ATP2C1: variants seen among roughly 807,000 people sequenced by gnomAD.
The protein encoded by ATP2C1 is ATPase secretory pathway Ca2+ transporting 1.
In ATP2C1, 31 loss-of-function variants were observed where a neutral mutation model predicts 120.5. That is an observed-to-expected ratio of 0.26 (90% CI 0.19 to 0.35). The LOEUF (loss-of-function observed/expected upper bound fraction) is 0.35. Ranked by LOEUF, ATP2C1 falls within the 10% of genes least tolerant of loss-of-function variation. The pLI, the probability that ATP2C1 is intolerant of heterozygous loss-of-function variation, is 1.00. For synonymous variants in ATP2C1, 351 were observed against 358.7 expected, an observed-to-expected ratio of 0.98 and a Z score of 0.24; for missense variants, 731 against 1,107.5, an observed-to-expected ratio of 0.66 and a Z score of 4.83.
At chr3:130,894,021 G>A, upstream of ATP2C1, 1 of 986,504 alleles carries the variant, frequency 1.0e-6, no homozygotes, top group Non-Finnish European at 1.2e-6. The surrounding 1 kb of genome is among the most constrained non-coding windows in gnomAD (Gnocchi z 4.5). Context: ...GCCCAGGAGT[G>A]CGGGGCGCGA....
intron 2 of ATP2C1, among the ~76,000 whole-genome samples, chr3:130,896,118 C>CTT (rs2069606672): frequency 6.6e-6 from 1 of 152,180 alleles, no homozygotes; most frequent in Non-Finnish European, 1.5e-5. Context: ...TTGGTAGAAA[C>CTT]ATCTTAAATA....
intron 1 of ATP2C1, among the ~76,000 whole-genome samples, chr3:130,882,062 C>T (rs1227908280): frequency 1.3e-5 from 2 of 152,088 alleles, no homozygotes; most frequent in Non-Finnish European, 2.9e-5. Context: ...TGCCTAATTG[C>T]TCTAGTTAGG....
At chr3:130,932,401 T>C (rs1038382788) in intron 4 of ATP2C1, among the ~76,000 whole-genome samples, 5 of 152,136 alleles carry the variant, frequency 3.3e-5, no homozygotes, top group Non-Finnish European at 7.4e-5. Flanking sequence ...TTTGCTGATA[T>C]CAAACCTACA....
At chr3:130,884,881 C>T (rs1025399492) in intron 1 of ATP2C1, among the ~76,000 whole-genome samples, 15 of 150,052 alleles carry the variant, frequency 1.0e-4, no homozygotes, top group Non-Finnish European at 1.5e-4. Context: ...TATTTTCAGC[C>T]TATGTGTATC....
intron 2 of ATP2C1, among the ~76,000 whole-genome samples, chr3:130,910,247 TTGTC>T (rs1401317403): frequency 6.6e-6 from 1 of 151,492 alleles, no homozygotes; most frequent in Non-Finnish European, 1.5e-5. Context: ...GGCTCTCTGT[TTGTC>T]TGTTCTTGGT....
intron 5 of ATP2C1, among the ~76,000 whole-genome samples, chr3:130,936,222 A>G (rs888862060): frequency 6.6e-6 from 1 of 152,086 alleles, no homozygotes; most frequent in African/African-American, 2.4e-5. Context: ...TTAAAAAAAA[A>G]ATTGTTACGA....
intron 17 of ATP2C1, among the ~76,000 whole-genome samples, chr3:130,970,452 C>T (rs1044874311): frequency 2.0e-5 from 3 of 151,406 alleles, no homozygotes; most frequent in Admixed American, 6.6e-5. Flanking sequence ...AGTGCAGTGG[C>T]GTGACCTCGG....
chr3:131,014,302 C>G, intron 26 of ATP2C1: 1 of 1,614,024 alleles, frequency 6.2e-7, no homozygotes, highest in Non-Finnish European at 8.5e-7. Flanking sequence ...TGCTTAGCCT[C>G]AGGACATATG....
chr3:130,866,716 C>T (rs1457825511), intron 1 of ATP2C1, among the ~76,000 whole-genome samples: 1 of 152,156 alleles, frequency 6.6e-6, no homozygotes, highest in East Asian at 1.9e-4. Flanking sequence ...TTTAAAATAG[C>T]TGGTTTTAGG....
chr3:130,919,582 C>T (rs957687784), intron 2 of ATP2C1, among the ~76,000 whole-genome samples: 2 of 152,090 alleles, frequency 1.3e-5, no homozygotes, highest in African/African-American at 4.8e-5. Context: ...TTTAAAAATC[C>T]TTTCATCTGT....
At position 130,965,029 on chromosome 3, in the gene ATP2C1, A is replaced by T. The variant is rs1423547785; in HGVS notation, c.1106A>T (p.Asp369Val). The T allele has an allele frequency of 6.2e-7, 1 of 1,609,414 alleles. No homozygotes were observed. The change falls in exon 14 of 28, where the codon GAT becomes GTT. Residue 369 changes from aspartate (D) to valine (V), a missense_variant. This residue lies in a region of ATP2C1 where 571 missense variants were observed against 845.9 expected (regional missense o/e 0.67). Transcript: ENST00000510168. Reference sequence around the variant, plus strand: ...ACTGTTACTCACATATTTACTTCAGATGGTCTGCATGCTGAGGTACTCTAT... The same window carrying T: ...ACTGTTACTCACATATTTACTTCAGTTGGTCTGCATGCTGAGGTACTCTAT... Reference protein sequence around the residue: ...EMTVTHIFTSDGLHAEVTGVG... With the variant: ...EMTVTHIFTSVGLHAEVTGVG...
At chr3:131,015,738 A>G (rs571551574) in intron 26 of ATP2C1, among the ~76,000 whole-genome samples, 2 of 152,224 alleles carry the variant, frequency 1.3e-5, no homozygotes, top group Non-Finnish European at 2.9e-5. Context: ...AAAATAGAGT[A>G]ACAGGACTAG....
intron 7 of ATP2C1, among the ~76,000 whole-genome samples, chr3:130,941,166 G>C (rs904063233): frequency 6.6e-6 from 1 of 151,516 alleles, no homozygotes; most frequent in Non-Finnish European, 1.5e-5. Context: ...TGCCCACCTC[G>C]GCCTCCCAAA....
At chr3:131,016,599 C>T (rs956733296) in exon 27 of ATP2C1, 1 of 485,826 alleles carries the variant, frequency 2.1e-6, no homozygotes. Flanking sequence ...CACTGGTCTA[C>T]TACCTGACCA....
In ATP2C1 at chr3:130,894,619, C is replaced by T; in HGVS notation, c.-151C>T. The T allele has an allele frequency of 4.4e-6, 7 of 1,588,088 alleles. No individual in the cohort carries two copies. The highest frequency in any genetic ancestry group is 6.0e-6 in the Non-Finnish European group (7 of 1,166,150). ...TGCTGCTAGGGGTGGTGGGAGCAGC[C>T]GTGGGACGCGTGGCCGGGAGCGGGG... On this transcript the variant is annotated 5_prime_UTR_variant, in exon 2 of 28. Transcript: ENST00000510168. This position sits in a 1 kb window ranked among gnomAD's most constrained non-coding sequence, Gnocchi z 4.5.
intron 1 of ATP2C1, chr3:130,855,875 C>T (rs1199069753): frequency 6.6e-6 from 1 of 152,296 alleles, no homozygotes; most frequent in Non-Finnish European, 1.5e-5. Flanking sequence ...CTATGTGTCC[C>T]TGCAGGAGGA....
At chr3:130,997,004 T>C (rs564164325) in intron 24 of ATP2C1, among the ~76,000 whole-genome samples, 3 of 109,194 alleles carry the variant, frequency 2.7e-5, no homozygotes, top group African/African-American at 7.0e-5. Context: ...CACTGTTAGA[T>C]GCCTAGCCTA....
intron 27 of ATP2C1, among the ~76,000 whole-genome samples, chr3:131,000,708 T>C (rs1162605844): frequency 2.6e-5 from 4 of 152,256 alleles, no homozygotes; most frequent in East Asian, 1.9e-4. Context: ...TTCCTAGTTA[T>C]GTGACTTTGG....
upstream of ATP2C1, chr3:130,893,923 C>A: frequency 1.0e-6 from 1 of 985,666 alleles, no homozygotes; most frequent in Non-Finnish European, 1.2e-6. Flanking sequence ...CTTCACTTCA[C>A]TTCCGCCTTC....
Sources: gnomAD v4.1 joint callset for allele counts (sites outside exome capture counted in the v4.1 genomes callset) on GRCh38, gnomAD v4.1.1 for gene constraint, gnomAD v4.1.1 regional missense constraint, Gnocchi (gnomAD v3.1) non-coding constraint, MANE v1.5 for transcripts, NCBI Gene and HGNC (gene_info 2026-07-23, HGNC 2026-07-21) for gene names.